The following EHBP1 variants were observed in gnomAD, a reference collection of about 807,000 sequenced individuals.
EHBP1 encodes the protein EH domain-binding protein 1.
EHBP1 carries 55 observed loss-of-function variants against 144.0 expected under a neutral mutation model. That is an observed-to-expected ratio of 0.38 (90% confidence interval 0.31 to 0.48). EHBP1 has a LOEUF of 0.48. Ranked by LOEUF, EHBP1 falls within the 20% of genes least tolerant of loss-of-function variation. EHBP1 has a pLI of 0.98. For synonymous variants in EHBP1, 469 were observed against 472.7 expected (o/e 0.99, Z 0.10); for missense variants, 1,200 against 1,364.2 (o/e 0.88, Z 1.90).
intron 7 of EHBP1, among the ~76,000 whole-genome samples, chr2:62,857,258 G>T (rs1214910966): frequency 6.6e-6 from 1 of 152,064 alleles, no homozygotes; most frequent in Non-Finnish European, 1.5e-5. Flanking sequence ...AATAAAATGT[G>T]GTATGCCTGT....
chr2:62,686,406 C>T lies in EHBP1; in HGVS notation c.-296+12323C>T, dbSNP rs184426113. Among the ~76,000 whole-genome samples, 380 of 152,266 alleles carry T rather than the reference C, an allele frequency of 2.5e-3. 1 individual carries two copies. Among genetic ancestry groups the T allele is most frequent in the Non-Finnish European group, 2.8e-3 (192 of 68,006 alleles). ...AGAGTGGTGTTTCCCTGCACTTCTT[C>T]CTCTCCCTATATTTTCAGTCCAGCC... is the stretch of plus-strand genomic sequence containing the variant. On this transcript the variant is annotated intron_variant, in intron 1 of 22. Coordinates refer to the EHBP1 transcript ENST00000405015.
At chr2:62,862,171 A>G (rs2049615208) in intron 8 of EHBP1, among the ~76,000 whole-genome samples, 1 of 152,174 alleles carries the variant, frequency 6.6e-6, no homozygotes, top group South Asian at 2.1e-4. Flanking sequence ...TTATGATTTT[A>G]TGACTTCTCT....
intron 3 of EHBP1, among the ~76,000 whole-genome samples, chr2:62,747,902 C>G (rs2039310086): frequency 2.6e-5 from 4 of 151,792 alleles, no homozygotes; most frequent in Admixed American, 2.0e-4. Context: ...TCCTTTTTGC[C>G]CTCTGCCTTC....
intron 10 of EHBP1, among the ~76,000 whole-genome samples, chr2:62,895,904 C>G (rs2052883070): frequency 6.6e-6 from 1 of 152,086 alleles, no homozygotes; most frequent in Admixed American, 6.6e-5. Context: ...TCCACTTACT[C>G]AAATTCAAAA....
intron 19 of EHBP1, among the ~76,000 whole-genome samples, chr2:63,036,632 G>A (rs560353486): frequency 6.6e-6 from 1 of 151,928 alleles, no homozygotes; most frequent in East Asian, 1.9e-4. Context: ...AATAAACATT[G>A]AAGAATTAGA....
chr2:63,035,447 T>C (rs187614699), intron 19 of EHBP1, among the ~76,000 whole-genome samples: 1 of 152,198 alleles, frequency 6.6e-6, no homozygotes, highest in Admixed American at 6.5e-5. Flanking sequence ...CTAGAATTCA[T>C]AGGCATAAGT....
intron 5 of EHBP1, among the ~76,000 whole-genome samples, chr2:62,786,628 C>T (rs549951466): frequency 5.9e-5 from 9 of 152,154 alleles, no homozygotes; most frequent in Non-Finnish European, 8.8e-5. Context: ...CTACTGTGTT[C>T]GTACTGCACC....
At chr2:62,998,282 G>A (rs2059720576) in intron 19 of EHBP1, among the ~76,000 whole-genome samples, 1 of 151,994 alleles carries the variant, frequency 6.6e-6, no homozygotes, top group Non-Finnish European at 1.5e-5. Context: ...TGTGGATTCA[G>A]CATGATTCCA....
At chr2:62,958,480 A>G (rs368683534) in intron 14 of EHBP1, among the ~76,000 whole-genome samples, 1 of 152,236 alleles carries the variant, frequency 6.6e-6, no homozygotes, top group Non-Finnish European at 1.5e-5. Context: ...TTACATTCAC[A>G]TGAAATTCTA....
chr2:62,735,733 T>C (rs1007780374), intron 2 of EHBP1, among the ~76,000 whole-genome samples: 4 of 152,194 alleles, frequency 2.6e-5, no homozygotes, highest in African/African-American at 9.6e-5. Flanking sequence ...ATCCAATTTT[T>C]GTTTGTCTGA....
At chr2:62,869,706 T>C (rs1014347578) in intron 9 of EHBP1, among the ~76,000 whole-genome samples, 1 of 152,260 alleles carries the variant, frequency 6.6e-6, no homozygotes, top group Non-Finnish European at 1.5e-5. Context: ...TTATCTTGAT[T>C]TGTGCTGATG....
At chr2:62,869,200 T>A (rs2050270916) in intron 9 of EHBP1, among the ~76,000 whole-genome samples, 1 of 152,112 alleles carries the variant, frequency 6.6e-6, no homozygotes, top group South Asian at 2.1e-4. Context: ...ACTCTCAGAG[T>A]ACTTCTGAAT....
intron 2 of EHBP1, among the ~76,000 whole-genome samples, chr2:62,728,036 T>A (rs1321011099): frequency 6.6e-6 from 1 of 152,160 alleles, no homozygotes; most frequent in Non-Finnish European, 1.5e-5. Flanking sequence ...GGTCAGCATA[T>A]CTGGTTGTGA....
intron 2 of EHBP1, among the ~76,000 whole-genome samples, chr2:62,733,741 C>A (rs1168743632): frequency 1.3e-5 from 2 of 152,200 alleles, no homozygotes; most frequent in African/African-American, 2.4e-5. Flanking sequence ...TGTGAGAGAA[C>A]CTGGTAGGGC....
At chr2:62,990,974 C>A in intron 16 of EHBP1, 134 bp downstream of exon 16, 1 of 1,134,028 alleles carries the variant, frequency 8.8e-7, no homozygotes, top group Non-Finnish European at 1.2e-6. Context: ...GAAATTTTTA[C>A]TGGTGAGGTG....
At chr2:62,910,169 G>A in intron 10 of EHBP1, among the ~76,000 whole-genome samples, 1 of 152,170 alleles carries the variant, frequency 6.6e-6, no homozygotes, top group East Asian at 1.9e-4. Context: ...ATTGGAAGAG[G>A]AATGAAATTG....
chr2:63,020,980 ATTTTTTTTTTTTTT>A (rs761382729), intron 19 of EHBP1, among the ~76,000 whole-genome samples: 2 of 68,580 alleles, frequency 2.9e-5, no homozygotes, highest in East Asian at 4.6e-4. Context: ...GCCTGGCCTC[ATTTTTTTTTTTTTT>A]TTTTTTTTTT....
chr2:62,807,513 A>C (rs1252310893), intron 5 of EHBP1, among the ~76,000 whole-genome samples: 1 of 152,200 alleles, frequency 6.6e-6, no homozygotes, highest in Admixed American at 6.5e-5. Flanking sequence ...GCACCATTGC[A>C]CTCCAGCCTG....
Position 62,818,295 on chromosome 2 carries a change from C to T in EHBP1, c.313-7792C>T, listed in dbSNP as rs147586901. Among the ~76,000 whole-genome samples the T allele has an allele frequency of 2.6e-4, 39 of 149,094 alleles. No individual in the cohort carries two copies. In the East Asian group the frequency reaches 6.9e-3, roughly 26 times the overall value. The stretch of plus-strand genomic sequence containing the variant: ...CATTCATGTTAGTGCCCTATACAGA[C>T]ATACCATTTAAAAAGTTTTTTAAAT... On this transcript the variant is annotated intron_variant, in intron 5 of 22. Coordinates refer to ENST00000431489, the MANE Select transcript of EHBP1 (RefSeq NM_001142616.3).
Sources: allele counts gnomAD v4.1 joint callset (sites outside exome capture counted in the v4.1 genomes callset), GRCh38; gene constraint gnomAD v4.1.1; transcripts MANE v1.5; gene names NCBI Gene and HGNC (gene_info 2026-07-23, HGNC 2026-07-21).